HS3ST2: variants seen among roughly 807,000 people sequenced by gnomAD.
The protein encoded by HS3ST2 is heparan sulfate glucosamine 3-O-sulfotransferase 2.
HS3ST2 carries 17 observed loss-of-function variants against 26.3 expected under a neutral mutation model. The observed-to-expected ratio is 0.65, with a 90% CI of 0.44 to 0.97. The LOEUF is 0.97. Among genes scored for constraint, HS3ST2 ranks in the 50% least tolerant of loss-of-function variants. The pLI is 0.00. For missense variants in HS3ST2, 402 were observed against 501.2 expected, an observed-to-expected ratio of 0.80 and a Z score of 1.89; for synonymous variants, 237 against 219.2, an observed-to-expected ratio of 1.08 and a Z score of -0.72.
At chr16:22,881,722 T>C (rs1901993117) in intron 1 of HS3ST2, among the ~76,000 whole-genome samples, 1 of 152,216 alleles carries the variant, frequency 6.6e-6, no homozygotes, top group African/African-American at 2.4e-5. Context: ...AAGAGACTTA[T>C]GACAAAGGCT....
intron 1 of HS3ST2, among the ~76,000 whole-genome samples, 181 bp from the exon 2 acceptor site, chr16:22,914,763 A>AAAAAAAAAAAAAAAAAAAAAAG (rs1489223344): frequency 8.4e-6 from 1 of 118,690 alleles, no homozygotes; most frequent in African/African-American, 3.8e-5. Context: ...AAAAAAAAAA[A>AAAAAAAAAAAAAAAAAAAAAAG]AGAGAAGAAA....
chr16:22,818,284 G>T (rs780397524), intron 1 of HS3ST2, among the ~76,000 whole-genome samples: 25 of 152,164 alleles, frequency 1.6e-4, no homozygotes, highest in Non-Finnish European at 3.1e-4. Flanking sequence ...TGGTCACCTA[G>T]GTGCTGTATG....
At chr16:22,822,324 C>A (rs1302589900) in intron 1 of HS3ST2, among the ~76,000 whole-genome samples, 6 of 152,110 alleles carry the variant, frequency 3.9e-5, no homozygotes, top group Non-Finnish European at 8.8e-5. Context: ...CACCAACACA[C>A]CTGGTTAATT....
intron 1 of HS3ST2, among the ~76,000 whole-genome samples, chr16:22,853,954 T>G (rs1488396986): frequency 4.6e-5 from 7 of 152,174 alleles, no homozygotes; most frequent in Admixed American, 2.0e-4. Flanking sequence ...TATCCTTTCC[T>G]AGAAGAGCAT....
intron 1 of HS3ST2, among the ~76,000 whole-genome samples, chr16:22,878,376 G>A (rs551215280): frequency 2.0e-5 from 3 of 152,334 alleles, no homozygotes; most frequent in African/African-American, 7.2e-5. Context: ...GTTGCCCGCT[G>A]AAGGCTCAGA....
intron 1 of HS3ST2, among the ~76,000 whole-genome samples, chr16:22,852,279 G>A (rs1201768393): frequency 6.6e-6 from 1 of 152,170 alleles, no homozygotes; most frequent in Non-Finnish European, 1.5e-5. Flanking sequence ...AGACACAGGA[G>A]CAAAAATAAG....
intron 1 of HS3ST2, among the ~76,000 whole-genome samples, chr16:22,832,468 A>G (rs1051854910): frequency 5.3e-5 from 8 of 151,876 alleles, no homozygotes; most frequent in African/African-American, 1.9e-4. Context: ...CATCCTTATT[A>G]TGAGTTACAA....
chr16:22,856,475 C>T (rs999945838), intron 1 of HS3ST2, among the ~76,000 whole-genome samples: 15 of 152,202 alleles, frequency 9.9e-5, no homozygotes, highest in African/African-American at 3.6e-4. Flanking sequence ...AGTCCTCAGT[C>T]TCCTGTCTTT....
Position 22,814,245 on chromosome 16 carries a change from C to G in HS3ST2, c.-366C>G, listed in dbSNP as rs1262553944. 2 of 202,824 alleles carry G rather than the reference C, an allele frequency of 9.9e-6. No individual in the cohort carries two copies. The highest frequency in any genetic ancestry group is 2.0e-5 in the Non-Finnish European group (2 of 102,062). 12.6% of individuals were successfully genotyped at this position (202,824 alleles called of 1,614,324 possible). A position where few individuals can be genotyped will look rare whatever the true frequency, so the allele number is the denominator to read the frequency against. ...CCAGCCCGCACAGCCGCGCCGCCGCCGAGCGTTTCGTGAGCGGCGCTCCGA... is the reference window on the plus strand; with the variant it reads ...CCAGCCCGCACAGCCGCGCCGCCGCGGAGCGTTTCGTGAGCGGCGCTCCGA... On this transcript the variant is annotated 5_prime_UTR_variant, in exon 1 of 2. Transcript: ENST00000261374.
intron 1 of HS3ST2, among the ~76,000 whole-genome samples, chr16:22,912,133 C>T (rs1902431033): frequency 1.3e-5 from 2 of 152,064 alleles, no homozygotes; most frequent in African/African-American, 2.4e-5. Flanking sequence ...CGCACACACA[C>T]AAAAAACCCC....
chr16:22,851,791 T>C (rs1901522603), intron 1 of HS3ST2, among the ~76,000 whole-genome samples: 1 of 152,200 alleles, frequency 6.6e-6, no homozygotes, highest in Non-Finnish European at 1.5e-5. Context: ...CCATCTCCCC[T>C]CCACTGGGGC....
In HS3ST2 at chr16:22,912,085, C is replaced by T. The variant is rs574246576; in HGVS notation, c.486-2859C>T. Among the ~76,000 whole-genome samples the T allele has an allele frequency of 6.1e-4, 93 of 152,290 alleles. 1 individual carries two copies. The South Asian group carries it at 0.019, about 31-fold the overall frequency. On this transcript the variant is annotated intron_variant, in intron 1 of 1. Transcript: ENST00000261374. Reference sequence around the variant, plus strand: ...GCAGCAGTGAGCCCTGATGGCACCACTGTACTCCAGCCTGGGCGACAGCAT... The same window carrying T: ...GCAGCAGTGAGCCCTGATGGCACCATTGTACTCCAGCCTGGGCGACAGCAT...
intron 1 of HS3ST2, among the ~76,000 whole-genome samples, chr16:22,894,685 G>A (rs974373822): frequency 6.6e-6 from 1 of 151,554 alleles, no homozygotes; most frequent in African/African-American, 2.4e-5. Flanking sequence ...GATCACTTGA[G>A]GCCAGATGTT....
chr16:22,842,298 G>A (rs561772530), intron 1 of HS3ST2, among the ~76,000 whole-genome samples: 54 of 152,018 alleles, frequency 3.6e-4, no homozygotes, highest in African/African-American at 1.2e-3. Context: ...CCTGACCTCA[G>A]GTAATTCACC....
At chr16:22,840,358 C>A (rs1196768148) in intron 1 of HS3ST2, among the ~76,000 whole-genome samples, 1 of 152,054 alleles carries the variant, frequency 6.6e-6, no homozygotes, top group East Asian at 1.9e-4. Context: ...TTGCAATTTA[C>A]CAGCAGGAGT....
At chr16:22,842,186 C>G (rs577959802) in intron 1 of HS3ST2, among the ~76,000 whole-genome samples, 2 of 151,336 alleles carry the variant, frequency 1.3e-5, no homozygotes, top group Non-Finnish European at 2.9e-5. Context: ...CTCAGCCTTC[C>G]GAGTAGCTGG....
chr16:22,863,784 C>T (rs1482662849), intron 1 of HS3ST2, among the ~76,000 whole-genome samples: 6 of 152,184 alleles, frequency 3.9e-5, no homozygotes, highest in Admixed American at 6.5e-5. Flanking sequence ...GCTCTCTTAG[C>T]ATAACCCATA....
chr16:22,882,975 G>A (rs1902010783), intron 1 of HS3ST2, among the ~76,000 whole-genome samples: 1 of 151,086 alleles, frequency 6.6e-6, no homozygotes, highest in Non-Finnish European at 1.5e-5. Context: ...AGGTTGCAGT[G>A]AGCTGACATT....
chr16:22,876,915 T>C (rs1901927287), intron 1 of HS3ST2, among the ~76,000 whole-genome samples: 1 of 152,008 alleles, frequency 6.6e-6, no homozygotes, highest in Non-Finnish European at 1.5e-5. Flanking sequence ...CACTTATAAG[T>C]GGGAGCTAAG....
Sources: gnomAD v4.1 joint callset for allele counts (sites outside exome capture counted in the v4.1 genomes callset) on GRCh38, gnomAD v4.1.1 for gene constraint, MANE v1.5 for transcripts, NCBI Gene and HGNC (gene_info 2026-07-23, HGNC 2026-07-21) for gene names.